The following DACH2 variants were observed in gnomAD, a reference collection of about 807,000 sequenced individuals.
The protein encoded by DACH2 is dachshund homolog 2.
In DACH2, 17 loss-of-function variants were observed where a neutral mutation model predicts 35.8. The observed-to-expected ratio is 0.48, with a 90% CI of 0.33 to 0.71. DACH2 has a LOEUF of 0.71. Among genes scored for constraint, DACH2 ranks in the 30% least tolerant of loss-of-function variants. The pLI is 0.02. For synonymous variants in DACH2, 195 were observed against 177.3 expected, an observed-to-expected ratio of 1.10 and a Z score of -0.79; for missense variants, 469 against 472.7, an observed-to-expected ratio of 0.99 and a Z score of 0.07.
At chrX:86,495,953 G>A (rs1323315148) in intron 2 of DACH2, among the ~76,000 whole-genome samples, 1 of 111,352 alleles carries the variant, frequency 9.0e-6, no homozygotes, top group African/African-American at 3.3e-5. Flanking sequence ...CGAAGATGTA[G>A]GTACTATTAT....
intron 3 of DACH2, among the ~76,000 whole-genome samples, chrX:86,592,260 C>A (rs1434715844): frequency 9.0e-6 from 1 of 111,481 alleles, no homozygotes; most frequent in Admixed American, 9.5e-5. Flanking sequence ...TATCCAGTAT[C>A]ATTTGTTAAA....
intron 2 of DACH2, among the ~76,000 whole-genome samples, chrX:86,473,323 T>C (rs1282104534): frequency 9.0e-6 from 1 of 111,341 alleles, no homozygotes. Context: ...TCATGTAAAA[T>C]GGGGCATCCA....
intron 3 of DACH2, among the ~76,000 whole-genome samples, chrX:86,525,951 T>G (rs1039792610): frequency 3.6e-5 from 4 of 112,181 alleles, no homozygotes; most frequent in African/African-American, 1.3e-4. Context: ...CACCTACTAC[T>G]TGTGTTACTC....
intron 7 of DACH2, chrX:86,799,090 A>G: frequency 9.1e-6 from 3 of 329,190 alleles, no homozygotes; most frequent in Non-Finnish European, 1.8e-5. Context: ...GTCGTTATGG[A>G]GCAAATAAAA....
chrX:86,254,626 T>G (rs1441538303), intron 1 of DACH2, among the ~76,000 whole-genome samples: 4 of 97,627 alleles, frequency 4.1e-5, no homozygotes, highest in African/African-American at 1.2e-4. Context: ...TCACTATTTC[T>G]GCAGTGCTCT....
At chrX:86,289,080 G>A (rs991182583) in intron 1 of DACH2, among the ~76,000 whole-genome samples, 1 of 109,608 alleles carries the variant, frequency 9.1e-6, no homozygotes. Context: ...GGGGCCAAGG[G>A]CACTTCAGTT....
intron 3 of DACH2, among the ~76,000 whole-genome samples, chrX:86,607,874 T>C (rs1210230034): frequency 9.4e-6 from 1 of 106,535 alleles, no homozygotes; most frequent in Non-Finnish European, 1.9e-5. Context: ...GATAGTTTAC[T>C]GAGAATGATG....
intron 4 of DACH2, among the ~76,000 whole-genome samples, chrX:86,678,523 A>G (rs2040845516): frequency 1.8e-5 from 2 of 112,214 alleles, no homozygotes; most frequent in Admixed American, 1.9e-4. Flanking sequence ...TCATTTACAG[A>G]AATATCAATA....
intron 7 of DACH2, among the ~76,000 whole-genome samples, chrX:86,804,184 G>C (rs1254959241): frequency 8.9e-6 from 1 of 111,755 alleles, no homozygotes; most frequent in Non-Finnish European, 1.9e-5. Flanking sequence ...TCTTCAGGCT[G>C]TACAGGAAAT....
At chrX:86,300,912 A>T (rs1333890834) in intron 1 of DACH2, among the ~76,000 whole-genome samples, 1 of 112,300 alleles carries the variant, frequency 8.9e-6, no homozygotes, top group Non-Finnish European at 1.9e-5. Context: ...GCACCAGCTA[A>T]GAAAAGTTTT....
chrX:86,791,040 C>T (rs1014050175), intron 7 of DACH2, among the ~76,000 whole-genome samples: 1 of 111,374 alleles, frequency 9.0e-6, no homozygotes, highest in Non-Finnish European at 1.9e-5. Flanking sequence ...GATATATTTT[C>T]TGTTTATTAA....
Position 86,608,478 on chromosome X carries a change from C to A in DACH2, c.641-42558C>A, listed in dbSNP as rs754540271. Among the ~76,000 whole-genome samples, 6 of 112,017 alleles carry A rather than the reference C, an allele frequency of 5.4e-5. No homozygotes were observed. The South Asian group carries it at 2.2e-3, about 42-fold the overall frequency. ...ACTTAGGATAAGAGTAGTTGACATA[C>A]CACAGTTAACAGTGTTATTACAGTC... On this transcript the variant is annotated intron_variant, in intron 3 of 11. Transcript: ENST00000373125.
intron 6 of DACH2, among the ~76,000 whole-genome samples, chrX:86,715,797 T>C (rs2041329533): frequency 9.0e-6 from 1 of 111,099 alleles, no homozygotes; most frequent in African/African-American, 3.3e-5. Flanking sequence ...TTTATCTACC[T>C]TTAAGAAGAG....
intron 1 of DACH2, among the ~76,000 whole-genome samples, chrX:86,188,774 C>A (rs1431099204): frequency 2.7e-5 from 3 of 112,091 alleles, no homozygotes; most frequent in African/African-American, 9.7e-5. Context: ...GGAACAGATT[C>A]TCCCCGAAAG....
At position 86,221,926 on chromosome X, in the gene DACH2, G is replaced by A. The variant is rs746067342; in HGVS notation, c.488+72818G>A. On this transcript the variant is annotated intron_variant, in intron 1 of 11. Transcript: ENST00000373125. The stretch of plus-strand genomic sequence containing the variant: ...CTGCCTTCTTGCTGTATCCTCACAC[G>A]GCTTTTCCTCTGTGTGTACATGCTG... Among the ~76,000 whole-genome samples, 5 of 112,005 alleles carry A rather than the reference G, an allele frequency of 4.5e-5. No individual in the cohort carries two copies. In the South Asian group the frequency reaches 1.1e-3, roughly 25 times the overall value.
Position 86,714,646 on chromosome X carries a change from A to G in DACH2, c.1030A>G (p.Asn344Asp). The stretch of plus-strand genomic sequence containing the variant: ...GGCAATGAATCAGATGAACCATCTC[A>G]ATACTATTGCCAACATGGCTGCTGC... Reference protein sequence around the residue: ...AMAMNQMNHLNTIANMAAAAQ... With the variant: ...AMAMNQMNHLDTIANMAAAAQ... The change falls in exon 6 of 12, where the codon AAT becomes GAT. Residue 344 changes from asparagine to aspartate, a missense_variant. Asn to Asp is a conservative substitution (Grantham distance 23). Coordinates refer to ENST00000373125, the MANE Select transcript of DACH2 (RefSeq NM_053281.3). The G allele has an allele frequency of 8.3e-7, 1 of 1,208,705 alleles. No homozygotes were observed. The highest frequency in any genetic ancestry group is 1.1e-6 in the Non-Finnish European group (1 of 893,236).
chrX:86,371,347 G>A (rs2035885080), intron 1 of DACH2, among the ~76,000 whole-genome samples: 2 of 110,621 alleles, frequency 1.8e-5, no homozygotes, highest in African/African-American at 6.6e-5. Flanking sequence ...ACTCAAGTGT[G>A]TGCATCAAAA....
At chrX:86,649,697 A>C (rs1224574536) in intron 3 of DACH2, among the ~76,000 whole-genome samples, 2 of 111,395 alleles carry the variant, frequency 1.8e-5, no homozygotes, top group Non-Finnish European at 3.8e-5. Context: ...TTTTCTATGC[A>C]TCATAAGGAG....
At chrX:86,685,497 A>C (rs1224938563) in intron 4 of DACH2, among the ~76,000 whole-genome samples, 5 of 112,075 alleles carry the variant, frequency 4.5e-5, no homozygotes, top group Non-Finnish European at 9.4e-5. Flanking sequence ...ACCTCATTTT[A>C]AGTAACTCCA....
Sources: gnomAD v4.1 joint callset for allele counts (sites outside exome capture counted in the v4.1 genomes callset) on GRCh38, gnomAD v4.1.1 for gene constraint, MANE v1.5 for transcripts, NCBI Gene and HGNC (gene_info 2026-07-23, HGNC 2026-07-21) for gene names.